The following SMARCA2 variants were observed in gnomAD, a reference collection of about 807,000 sequenced individuals.
SMARCA2 encodes the protein SWI/SNF-related matrix-associated actin-dependent regulator of chromatin subfamily A member 2.
Under a neutral mutation model 199.8 loss-of-function variants are expected in SMARCA2, and 61 were observed. The ratio of observed to expected loss-of-function variants is 0.31; its 90% confidence interval spans 0.25 to 0.38. SMARCA2 has a LOEUF of 0.38. SMARCA2 is among the 10% of genes least tolerant of loss of function. SMARCA2 has a pLI of 1.00. For synonymous variants in SMARCA2, 935 were observed against 732.0 expected (o/e 1.28, Z -4.48); for missense variants, 1,344 against 2,012.2 (o/e 0.67, Z 6.35).
At chr9:2,111,467 G>A (rs1251926922) in intron 24 of SMARCA2, among the ~76,000 whole-genome samples, 14 of 148,958 alleles carry the variant, frequency 9.4e-5, no homozygotes, top group Non-Finnish European at 1.6e-4. Flanking sequence ...TCTCCAGCCC[G>A]GGCGACAAAG....
At chr9:2,084,046 G>A (rs749046010) in intron 16 of SMARCA2, 40 bp from the exon 17 acceptor site, 3 of 1,081,880 alleles carry the variant, frequency 2.8e-6, no homozygotes, top group Admixed American at 1.8e-5. Context: ...GCACATATAT[G>A]TCCATAGGAT....
At chr9:2,094,557 C>T (rs189719973) in intron 19 of SMARCA2, among the ~76,000 whole-genome samples, 102 of 152,326 alleles carry the variant, frequency 6.7e-4, no homozygotes, top group African/African-American at 2.4e-3. Flanking sequence ...TGAAGGTGAA[C>T]CTCAGGCAGA....
At chr9:2,138,056 T>C (rs1408386005) in intron 27 of SMARCA2, among the ~76,000 whole-genome samples, 1 of 152,194 alleles carries the variant, frequency 6.6e-6, no homozygotes. Flanking sequence ...AATGAAGATT[T>C]AAATATGCAT....
intron 21 of SMARCA2, among the ~76,000 whole-genome samples, chr9:2,098,551 T>C (rs1472322206): frequency 1.3e-5 from 2 of 152,088 alleles, no homozygotes; most frequent in African/African-American, 4.8e-5. Context: ...AGTGTACCCA[T>C]AGACATAGGA....
rs1823158199 is a variant in SMARCA2, at chr9:2,115,044, T to G, written c.3457-778T>G. On this transcript the variant is annotated intron_variant, in intron 24 of 33. Coordinates refer to ENST00000349721, the MANE Select transcript of SMARCA2 (RefSeq NM_003070.5). This position sits in a 1 kb window ranked among gnomAD's most constrained non-coding sequence, Gnocchi z 6.0. ...AATTCAGTATTGTTGAATGTTTCTT[T>G]TTTTAAAAAAAAAGCCATTAGAGAG... is the stretch of plus-strand genomic sequence containing the variant. Among the ~76,000 whole-genome samples, 3 of 152,056 alleles carry G rather than the reference T, an allele frequency of 2.0e-5. No homozygotes were observed. The highest frequency in any genetic ancestry group is 7.3e-5 in the African/African-American group (3 of 41,324).
intron 1 of SMARCA2, among the ~76,000 whole-genome samples, chr9:2,022,708 G>C (rs970489231): frequency 1.6e-4 from 25 of 152,320 alleles, no homozygotes; most frequent in Admixed American, 1.3e-3. Context: ...AGTCAGAAAA[G>C]GAAGTGGCTG....
intron 3 of SMARCA2, among the ~76,000 whole-genome samples, chr9:2,034,441 C>T (rs1041888813): frequency 3.3e-5 from 5 of 152,126 alleles, no homozygotes; most frequent in East Asian, 1.9e-4. Context: ...AAACTATTCA[C>T]GTACCTCAAA....
chr9:2,108,061 T>A (rs1481877429), intron 23 of SMARCA2, among the ~76,000 whole-genome samples: 2 of 152,022 alleles, frequency 1.3e-5, no homozygotes, highest in Non-Finnish European at 2.9e-5. Flanking sequence ...ATAGCCAGGG[T>A]TCATGGCATT....
chr9:2,085,147 A>G (rs1013561589), intron 17 of SMARCA2, among the ~76,000 whole-genome samples: 3 of 152,260 alleles, frequency 2.0e-5, no homozygotes, highest in Middle Eastern at 3.4e-3. Context: ...TTCCCAGGGG[A>G]GGTTTAATAA....
intron 28 of SMARCA2, among the ~76,000 whole-genome samples, chr9:2,166,591 C>A (rs896455941): frequency 6.6e-6 from 1 of 152,118 alleles, no homozygotes; most frequent in African/African-American, 2.4e-5. Flanking sequence ...TGATGCTGTA[C>A]CTCTAAATTT....
At position 2,091,188 on chromosome 9, in the gene SMARCA2, A is replaced by G. The variant is rs1163754715; in HGVS notation, c.2883+2575A>G. 2.0e-5 allele frequency among the ~76,000 whole-genome samples: 3 copies of G among 152,322 alleles called. No homozygotes were observed. The East Asian group carries it at 5.8e-4, about 29-fold the overall frequency. ...GAGTTGTGTTAACCATGCCCACAAC[A>G]AAAATTCAAAACAATGTCATCATCC... On this transcript the variant is annotated intron_variant, in intron 19 of 33. Transcript: ENST00000349721.
intron 27 of SMARCA2, among the ~76,000 whole-genome samples, chr9:2,144,414 C>T (rs532937115): frequency 7.2e-5 from 11 of 152,186 alleles, no homozygotes; most frequent in Non-Finnish European, 1.3e-4. Context: ...AGAAGGACCT[C>T]GATTCTGAGG....
At chr9:2,048,757 G>A (rs1039714857) in intron 5 of SMARCA2, among the ~76,000 whole-genome samples, 9 of 152,128 alleles carry the variant, frequency 5.9e-5, no homozygotes, top group Admixed American at 5.9e-4. Flanking sequence ...ACCATTTCAT[G>A]TATTCCCAGA....
intron 1 of SMARCA2, among the ~76,000 whole-genome samples, chr9:2,021,577 TC>T (rs758734765): frequency 5.6e-4 from 86 of 152,264 alleles, no homozygotes; most frequent in Non-Finnish European, 1.1e-3. Flanking sequence ...TCTCCCATCT[TC>T]CCCCCTGTGC....
At chr9:2,048,561 TTA>T (rs1185197621) in intron 5 of SMARCA2, among the ~76,000 whole-genome samples, 1 of 152,208 alleles carries the variant, frequency 6.6e-6, no homozygotes, top group East Asian at 1.9e-4. Context: ...ACCTTAATCT[TTA>T]TTGAAAAGCA....
intron 29 of SMARCA2, among the ~76,000 whole-genome samples, chr9:2,177,067 C>G (rs911618762): frequency 3.9e-5 from 6 of 152,288 alleles, no homozygotes; most frequent in Admixed American, 2.6e-4. Context: ...TCATGACTGG[C>G]TCAGGTTTCT....
intron 25 of SMARCA2, among the ~76,000 whole-genome samples, chr9:2,117,756 C>G (rs1033746411): frequency 6.6e-6 from 1 of 152,334 alleles, no homozygotes; most frequent in East Asian, 1.9e-4. Context: ...GCACTCCCCT[C>G]CCAGTTGTCC....
chr9:2,173,457 C>T (rs1826368173), intron 29 of SMARCA2, among the ~76,000 whole-genome samples: 1 of 152,154 alleles, frequency 6.6e-6, no homozygotes, highest in African/African-American at 2.4e-5. Context: ...GCTCTAATTT[C>T]ATTATAGAGA....
chr9:2,176,142 A>T (rs989760904), intron 29 of SMARCA2, among the ~76,000 whole-genome samples: 5 of 148,458 alleles, frequency 3.4e-5, no homozygotes, highest in Non-Finnish European at 7.4e-5. Flanking sequence ...CGGCCTCCCA[A>T]AGTGCTGGGA....
Sources: gnomAD v4.1 joint callset for allele counts (sites outside exome capture counted in the v4.1 genomes callset) on GRCh38, gnomAD v4.1.1 for gene constraint, Gnocchi (gnomAD v3.1) non-coding constraint, MANE v1.5 for transcripts, NCBI Gene and HGNC (gene_info 2026-07-23, HGNC 2026-07-21) for gene names.